Variants in BPHL observed in about 807,000 individuals in gnomAD.
BPHL encodes the protein biphenyl hydrolase like, also known as serine hydrolase BPHL.
BPHL carries 27 observed loss-of-function variants against 31.2 expected under a neutral mutation model. The ratio of observed to expected loss-of-function variants is 0.87; its 90% CI spans 0.64 to 1.19. The LOEUF is 1.19. Among genes scored for constraint, BPHL ranks in the 50% most tolerant of loss-of-function variants. The pLI is 0.00. For synonymous variants in BPHL, 150 were observed against 146.8 expected, an observed-to-expected ratio of 1.02 and a Z score of -0.16; for missense variants, 356 against 375.7, an observed-to-expected ratio of 0.95 and a Z score of 0.43.
In BPHL at chr6:3,149,763, G is replaced by A. The variant is rs1000200136; in HGVS notation, c.789-2725G>A. Among the ~76,000 whole-genome samples, 1 of 152,152 alleles carries A rather than the reference G, an allele frequency of 6.6e-6. No individual in the cohort carries two copies. Among genetic ancestry groups the A allele is most frequent in the African/African-American group, 2.4e-5 (1 of 41,424 alleles). On this transcript the variant is annotated intron_variant, in intron 6 of 6. Coordinates refer to ENST00000380379, the MANE Select transcript of BPHL (RefSeq NM_004332.4). This position sits in a 1 kb window ranked among gnomAD's most constrained non-coding sequence, Gnocchi z 4.6. ...TTCTGCCTCAGCCTCCCGAGTAGCT[G>A]GGATTATAGGCGCGCATCACCACGC... is the stretch of plus-strand genomic sequence containing the variant.
At chr6:3,138,084 T>A in intron 5 of BPHL, 2 of 995,890 alleles carry the variant, frequency 2.0e-6, no homozygotes, top group Non-Finnish European at 2.8e-6. Flanking sequence ...AATGGCATGA[T>A]CTCAGCTCAC....
intron 2 of BPHL, chr6:3,126,931 T>A (rs1348256272): frequency 5.8e-6 from 1 of 172,174 alleles, no homozygotes; most frequent in African/African-American, 2.4e-5. Flanking sequence ...ATTTTTTTTT[T>A]TTTTTTTTTT....
At position 3,129,117 on chromosome 6, in the gene BPHL, A is replaced by G. The variant is rs766866598; in HGVS notation, c.451A>G (p.Lys151Glu). The change falls in exon 4 of 7, where the codon AAA becomes GAA. Residue 151 changes from lysine (K) to glutamate (E), a missense_variant. Physicochemically the swap from Lys to Glu is moderately conservative, Grantham distance 56. Transcript: ENST00000380379. ...CATAACCGCACTCATTGCTGCTGCA[A>G]AATATCCATCTTACATCCACAAGAT... ...GGITALIAAA[K>E]YPSYIHKMVI... 6.8e-6 allele frequency: 11 copies of G among 1,613,692 alleles called. No homozygotes were observed. Among genetic ancestry groups the G allele is most frequent in the Middle Eastern group, 1.6e-4 (1 of 6,078 alleles).
intron 6 of BPHL, among the ~76,000 whole-genome samples, chr6:3,143,416 C>G (rs1428094760): frequency 6.6e-6 from 1 of 152,172 alleles, no homozygotes. Flanking sequence ...TCTCTTCTCT[C>G]TTTGTGGTAG....
chr6:3,139,800 A>G (rs1192438498), intron 5 of BPHL: 1 of 152,466 alleles, frequency 6.6e-6, no homozygotes, highest in Non-Finnish European at 1.5e-5. Context: ...CAGTACAGGG[A>G]CTAGGGCCCA....
chr6:3,126,028 A>G (rs991904918), intron 2 of BPHL, among the ~76,000 whole-genome samples: 3 of 152,220 alleles, frequency 2.0e-5, no homozygotes, highest in Non-Finnish European at 4.4e-5. Context: ...CCACACCTAC[A>G]GGGACCACGT....
At chr6:3,121,289 T>G (rs537320742) in intron 1 of BPHL, among the ~76,000 whole-genome samples, 2 of 144,904 alleles carry the variant, frequency 1.4e-5, no homozygotes, top group African/African-American at 5.4e-5. Flanking sequence ...TAATAGCAGT[T>G]TCTTTTTTTT....
intron 1 of BPHL, among the ~76,000 whole-genome samples, chr6:3,121,291 CTTTTTTTTTTTTTT>C (rs67332286): frequency 5.0e-5 from 4 of 80,380 alleles, no homozygotes; most frequent in Admixed American, 2.7e-4. Context: ...ATAGCAGTTT[CTTTTTTTTTTTTTT>C]TTTTTTTTTT....
intron 6 of BPHL, among the ~76,000 whole-genome samples, chr6:3,148,931 A>G (rs1053220072): frequency 1.3e-5 from 2 of 152,230 alleles, no homozygotes; most frequent in African/African-American, 4.8e-5. Context: ...TCATTGTTTA[A>G]TATGCTGCAC....
intron 6 of BPHL, among the ~76,000 whole-genome samples, chr6:3,150,371 G>T (rs3799217): frequency 6.6e-6 from 1 of 152,198 alleles, no homozygotes; most frequent in African/African-American, 2.4e-5. Context: ...CTCACCTATG[G>T]CATTTTGACC....
In BPHL at chr6:3,123,969, A is replaced by G. The variant is rs2231362; in HGVS notation, c.211+209A>G. ...TTTTTATTCCTTTAGTAAAGTACCC[A>G]GTTTTTCCTATTGCAAGTACTCTGT... On this transcript the variant is annotated intron_variant, in intron 2 of 6. Coordinates refer to ENST00000380379, the MANE Select transcript of BPHL (RefSeq NM_004332.4). The G allele has an allele frequency of 1.8e-3, 664 of 362,160 alleles. 6 individuals carry two copies. Among genetic ancestry groups the G allele is most frequent in the Non-Finnish European group, 1.8e-3 (350 of 199,500 alleles). The allele number at this position is 362,160 out of a possible 1,614,324, so 22.4% of individuals were successfully genotyped here. A position where few individuals can be genotyped will look rare whatever the true frequency, so the allele number is the denominator to read the frequency against.
intron 1 of BPHL, among the ~76,000 whole-genome samples, chr6:3,121,046 G>A (rs1761555675): frequency 1.3e-5 from 2 of 152,120 alleles, no homozygotes; most frequent in South Asian, 2.1e-4. Context: ...GCCTTGCAGC[G>A]TTTTTGTGAG....
chr6:3,152,608 T>C lies in BPHL; in HGVS notation c.*33T>C. 6.3e-7 allele frequency: 1 copy of C among 1,589,818 alleles called. No homozygotes were observed. The highest frequency in any genetic ancestry group is 8.6e-7 in the Non-Finnish European group (1 of 1,162,356). On this transcript the variant is annotated 3_prime_UTR_variant, in exon 7 of 7. Coordinates refer to ENST00000380379, the MANE Select transcript of BPHL (RefSeq NM_004332.4). ...CACTCCAGTCTTGGTGGTTCCTTCG[T>C]GTGGGGCTTGATCGTGTTGCTGCCT...
chr6:3,134,686 T>C (rs189600278), intron 4 of BPHL, among the ~76,000 whole-genome samples: 4 of 147,188 alleles, frequency 2.7e-5, no homozygotes, highest in East Asian at 4.1e-4. Flanking sequence ...CACTGCAAAC[T>C]CCGCCTCCTG....
At chr6:3,147,650 A>G (rs946378066) in intron 6 of BPHL, among the ~76,000 whole-genome samples, 2 of 152,140 alleles carry the variant, frequency 1.3e-5, no homozygotes, top group African/African-American at 4.8e-5. Flanking sequence ...ATATGTGTGT[A>G]TGTATATATA....
intron 1 of BPHL, chr6:3,119,575 T>C (rs1761502310): frequency 1.3e-6 from 2 of 1,598,744 alleles, no homozygotes; most frequent in Admixed American, 3.4e-5. Context: ...TGGATACTCT[T>C]GGTCCCAAGA....
chr6:3,123,795 C>A, intron 2 of BPHL, 35 bp downstream of exon 2: 1 of 1,549,008 alleles, frequency 6.5e-7, no homozygotes, highest in Non-Finnish European at 8.9e-7. Flanking sequence ...TTTTTGCATG[C>A]TGTAAAATCT....
At chr6:3,145,981 T>TC (rs1211746218) in intron 6 of BPHL, among the ~76,000 whole-genome samples, 2 of 66,206 alleles carry the variant, frequency 3.0e-5, no homozygotes, top group Non-Finnish European at 6.9e-5. Context: ...GAGTGCTGGT[T>TC]TGGGTCGAGT....
At chr6:3,120,663 G>A (rs940952180) in intron 1 of BPHL, among the ~76,000 whole-genome samples, 1 of 152,174 alleles carries the variant, frequency 6.6e-6, no homozygotes, top group Non-Finnish European at 1.5e-5. Context: ...TTGGAACTTT[G>A]ACCCTTATTT....
Sources: gnomAD v4.1 joint callset for allele counts (sites outside exome capture counted in the v4.1 genomes callset) on GRCh38, gnomAD v4.1.1 for gene constraint, Gnocchi (gnomAD v3.1) non-coding constraint, MANE v1.5 for transcripts, NCBI Gene and HGNC (gene_info 2026-07-23, HGNC 2026-07-21) for gene names.